The following TAF8 variants were observed in gnomAD, a reference collection of about 807,000 sequenced individuals.
TAF8 encodes the protein transcription initiation factor TFIID subunit 8.
Under a neutral mutation model 36.5 loss-of-function variants are expected in TAF8, and 47 were observed. The observed-to-expected ratio is 1.29, with a 90% CI of 1.02 to 1.64. The LOEUF is 1.64. TAF8 is among the 40% of genes most tolerant of loss of function. TAF8 has a pLI of 0.00. For synonymous variants in TAF8, 175 were observed against 159.5 expected (o/e 1.10, Z -0.73); for missense variants, 420 against 407.6 (o/e 1.03, Z -0.26).
rs748131198 is a variant in TAF8, at chr6:42,066,447, A to G, written c.625A>G (p.Ser209Gly). Residue 209 changes from serine (S) to glycine (G), a missense_variant, in exon 6 of 9, where the codon AGC becomes GGC. Coordinates refer to ENST00000372977, the MANE Select transcript of TAF8 (RefSeq NM_138572.3). ...TCAGAGTCTTTTCAAAGATGACGTC[A>G]GCACATTTCCATGTGAGAGTTGCCC... The part of the protein sequence containing the change: ...ETQSLFKDDV[S>G]TFPLIAARPF... The G allele has an allele frequency of 1.2e-6, 2 of 1,614,080 alleles. No homozygotes were observed. Among genetic ancestry groups the G allele is most frequent in the African/African-American group, 2.7e-5 (2 of 74,944 alleles).
rs1039529560 is a variant in TAF8 at position 42,082,036 on chromosome 6, C to T, written c.*4491C>T. 13 of 152,230 alleles carry T rather than the reference C, an allele frequency of 8.5e-5. No individual in the cohort carries two copies. Among genetic ancestry groups the T allele is most frequent in the Admixed American group, 3.9e-4 (6 of 15,284 alleles). The allele number at this position is 152,230 out of a possible 1,614,324, so 9.4% of individuals were successfully genotyped here. On this transcript the variant is annotated 3_prime_UTR_variant, in exon 9 of 9. Coordinates refer to ENST00000372977, the MANE Select transcript of TAF8 (RefSeq NM_138572.3). ...ATATCAAAACCCTTGCATTCAGTTTCAGTGTACAATGTAGATGGTATATTA... is the reference window on the plus strand; with the variant it reads ...ATATCAAAACCCTTGCATTCAGTTTTAGTGTACAATGTAGATGGTATATTA...
At chr6:42,084,905 C>T (rs1477200949), downstream of TAF8, among the ~76,000 whole-genome samples, 1 of 152,232 alleles carries the variant, frequency 6.6e-6, no homozygotes, top group Non-Finnish European at 1.5e-5. Flanking sequence ...GGCTACCCAT[C>T]GCATCTGGAG....
intron 6 of TAF8, among the ~76,000 whole-genome samples, chr6:42,067,260 C>T (rs1010128718): frequency 6.6e-6 from 1 of 152,220 alleles, no homozygotes; most frequent in African/African-American, 2.4e-5. Flanking sequence ...GCTTTGTCAT[C>T]CAGCCTGGAA....
chr6:42,067,902 C>T lies in TAF8; in HGVS notation c.638-563C>T, dbSNP rs547435436. Among the ~76,000 whole-genome samples, 5 of 152,240 alleles carry T rather than the reference C, an allele frequency of 3.3e-5. No homozygotes were observed. In the South Asian group the frequency reaches 1.0e-3, roughly 32 times the overall value. On this transcript the variant is annotated intron_variant, in intron 6 of 8. Transcript: ENST00000372977. ...ATGTTATTTTTTATTCAATTTCTTC[C>T]TCTCATCCTCATTGCTTTTTGGAAG...
rs35029417 is a variant in TAF8, at chr6:42,079,715, AT to A, written c.*2188del. On this transcript the variant is annotated 3_prime_UTR_variant, in exon 9 of 9. Transcript: ENST00000372977. ...AGATGCCCGCCACCACATCTGGCTA[AT>A]TTTTTTTTTTTTTTTTTAGTAGACA... is the stretch of plus-strand genomic sequence containing the variant. 0.12 allele frequency: 52,860 copies of A among 430,418 alleles called. 351 individuals are homozygous for A. The highest frequency in any genetic ancestry group is 0.16 in the African/African-American group (7,024 of 43,762). The allele number at this position is 430,418 out of a possible 1,614,324, so 26.7% of individuals were successfully genotyped here. A position where few individuals can be genotyped will look rare whatever the true frequency, so the allele number is the denominator to read the frequency against.
chr6:42,077,087 C>T lies in TAF8; in HGVS notation c.781-13C>T, dbSNP rs79014328. ...CTGTTGATGTTGTGCTTTATTTTGG[C>T]TTTTGCTCAAAGGAGGATTCTGGAG... On this transcript the variant is annotated splice_polypyrimidine_tract_variant and intron_variant, in intron 7 of 8. Transcript: ENST00000372977. 3,150 of 1,605,546 alleles carry T rather than the reference C, an allele frequency of 2.0e-3. 57 individuals carry two copies. In the African/African-American group the frequency reaches 0.038, roughly 19 times the overall value.
At position 42,079,069 on chromosome 6, in the gene TAF8, C is replaced by T; in HGVS notation, c.*1524C>T. On this transcript the variant is annotated 3_prime_UTR_variant, in exon 9 of 9. Transcript: ENST00000372977. ...CCTGGGAGGCGGAGGTTGCAGTGAG[C>T]CGAGATCGTGCCACTGCACTCCAGC... is the stretch of plus-strand genomic sequence containing the variant. 1.3e-6 allele frequency: 1 copy of T among 762,674 alleles called. No homozygotes were observed. The highest frequency in any genetic ancestry group is 1.6e-6 in the Non-Finnish European group (1 of 626,876). The allele number at this position is 762,674 out of a possible 1,614,324, so 47.2% of individuals were successfully genotyped here.
chr6:42,059,121 C>T (rs1010182157), intron 5 of TAF8, among the ~76,000 whole-genome samples: 2 of 151,902 alleles, frequency 1.3e-5, no homozygotes, highest in African/African-American at 2.4e-5. Context: ...AGGTGGCTCA[C>T]GCCTGTAATC....
At chr6:42,054,214 T>C (rs4236082) in intron 2 of TAF8, among the ~76,000 whole-genome samples, 151,451 of 152,306 alleles carry the variant, frequency 0.99, 75,313 homozygotes, top group Middle Eastern at 1. Context: ...TAGAAACCTT[T>C]CCCCTTTCCC....
Position 42,080,394 on chromosome 6 carries a change from C to T in TAF8, c.*2849C>T, listed in dbSNP as rs1237248376. ...TTTTCTTTTTTTTTTTTTTTTGAGA[C>T]GGCATCTCACTCTTATCGCCCAGGC... On this transcript the variant is annotated 3_prime_UTR_variant, in exon 9 of 9. Coordinates refer to ENST00000372977, the MANE Select transcript of TAF8 (RefSeq NM_138572.3). 2.5e-5 allele frequency: 23 copies of T among 927,752 alleles called. No individual in the cohort carries two copies. In the East Asian group the frequency reaches 8.3e-4, roughly 33 times the overall value. The allele number at this position is 927,752 out of a possible 1,614,324, so 57.5% of individuals were successfully genotyped here.
At chr6:42,056,332 G>A (rs1439772990) in intron 4 of TAF8, 1 of 268,744 alleles carries the variant, frequency 3.7e-6, no homozygotes, top group African/African-American at 2.3e-5. Flanking sequence ...GTGGCCTATG[G>A]GCCAAATGCA....
At chr6:42,077,494 G>A in intron 8 of TAF8, 39 bp from the exon 9 acceptor site, 3 of 1,609,816 alleles carry the variant, frequency 1.9e-6, no homozygotes, top group East Asian at 2.2e-5. Flanking sequence ...AGCAGACAGG[G>A]CCCACACCAG....
rs1582225999 is a variant in TAF8, at chr6:42,062,854, A to C, written c.490-3458A>C. The stretch of plus-strand genomic sequence containing the variant: ...CGTGCCTGGCCAAGACAATCTTTAA[A>C]ACCCTCTGAACTAGACAAAATTACA... On this transcript the variant is annotated intron_variant, in intron 5 of 8. Coordinates refer to ENST00000372977, the MANE Select transcript of TAF8 (RefSeq NM_138572.3). 2.0e-5 allele frequency among the ~76,000 whole-genome samples: 3 copies of C among 152,034 alleles called. No homozygotes were observed. In the Middle Eastern group the frequency reaches 0.01, roughly 517 times the overall value.
At chr6:42,069,501 G>T (rs1001407115) in intron 7 of TAF8, among the ~76,000 whole-genome samples, 6 of 152,134 alleles carry the variant, frequency 3.9e-5, no homozygotes, top group Non-Finnish European at 8.8e-5. Flanking sequence ...TAAAGAAAAC[G>T]GTAAGGTTTT....
downstream of TAF8, chr6:42,086,940 T>A: frequency 1.5e-6 from 1 of 646,720 alleles, no homozygotes; most frequent in Non-Finnish European, 2.8e-6. Context: ...GGAAGGTCAT[T>A]CAGCCAACCC....
chr6:42,051,378 A>C lies in TAF8; in HGVS notation c.67A>C (p.Thr23Pro), dbSNP rs781140275. Residue 23 changes from threonine to proline, a missense_variant, in exon 2 of 9, where the codon ACT becomes CCT. Transcript: ENST00000372977. The stretch of plus-strand genomic sequence containing the variant: ...ACAGAGATCGGGAAGTAAACAGTCC[A>C]CTAACCCTGCCGATAACTATCATCT... Reference protein sequence around the residue: ...SGTRSGSKQSTNPADNYHLAR... With the variant: ...SGTRSGSKQSPNPADNYHLAR... 2 of 1,614,162 alleles carry C rather than the reference A, an allele frequency of 1.2e-6. No homozygotes were observed.
At chr6:42,071,174 A>G (rs1415348455) in intron 7 of TAF8, among the ~76,000 whole-genome samples, 1 of 152,108 alleles carries the variant, frequency 6.6e-6, no homozygotes, top group East Asian at 1.9e-4. Flanking sequence ...TGGATGCCTT[A>G]GTGGCTGTAG....
At position 42,066,389 on chromosome 6, in the gene TAF8, A is replaced by G. The variant is rs1175272531; in HGVS notation, c.567A>G (p.Ala189=). The G allele has an allele frequency of 6.2e-7, 1 of 1,614,226 alleles. No homozygotes were observed. The highest frequency in any genetic ancestry group is 8.5e-7 in the Non-Finnish European group (1 of 1,180,042). The change falls in exon 6 of 9, where the codon GCA becomes GCG. Residue 189 remains alanine, a synonymous_variant. Coordinates refer to ENST00000372977, the MANE Select transcript of TAF8 (RefSeq NM_138572.3). ...AASQRRDVER[A]LTRFMAKTGE... is the part of the protein sequence containing the mutation. ...CCCAGAGGCGCGATGTGGAGCGGGC[A>G]CTTACCCGTTTCATGGCCAAGACAG...
rs1202064605 is a variant in TAF8 at position 42,083,271 on chromosome 6, T to C, written c.*5726T>C. On this transcript the variant is annotated 3_prime_UTR_variant, in exon 9 of 9. Coordinates refer to ENST00000372977, the MANE Select transcript of TAF8 (RefSeq NM_138572.3). ...AGTAATAAAGAGCTTCTCTGTTTCG[T>C]GGCTGCATGGTTGTTGTATAGTTCT... 3 of 152,266 alleles carry C rather than the reference T, an allele frequency of 2.0e-5. No individual in the cohort carries two copies. The highest frequency in any genetic ancestry group is 4.4e-5 in the Non-Finnish European group (3 of 68,052). The allele number at this position is 152,266 out of a possible 1,614,324, so 9.4% of individuals were successfully genotyped here. A position where few individuals can be genotyped will look rare whatever the true frequency, so the allele number is the denominator to read the frequency against.
Sources: allele counts gnomAD v4.1 joint callset (sites outside exome capture counted in the v4.1 genomes callset), GRCh38; gene constraint gnomAD v4.1.1; transcripts MANE v1.5; gene names NCBI Gene and HGNC (gene_info 2026-07-23, HGNC 2026-07-21).